The following MBD3 variants were observed in gnomAD, a reference collection of about 807,000 sequenced individuals.
The protein encoded by MBD3 is methyl-CpG-binding domain protein 3.
MBD3 carries 13 observed loss-of-function variants against 31.2 expected under a neutral mutation model. The ratio of observed to expected loss-of-function variants is 0.42; its 90% CI spans 0.27 to 0.66. The LOEUF is 0.66. Ranked by LOEUF, MBD3 falls within the 30% of genes least tolerant of loss-of-function variation. The probability of loss-of-function intolerance (pLI) is 0.26; values close to 1 mark genes in which losing one functional copy is unlikely to be tolerated. For missense variants in MBD3, 440 were observed against 426.5 expected (o/e 1.03, Z -0.28); for synonymous variants, 223 against 187.4 (o/e 1.19, Z -1.55).
intron 5 of MBD3, 94 bp downstream of exon 5, chr19:1,580,998 G>C: frequency 6.8e-7 from 1 of 1,471,468 alleles, no homozygotes; most frequent in Non-Finnish European, 9.4e-7. Context: ...GCATCGTGGG[G>C]AGACGGGAAG....
chr19:1,576,759 G>C lies in MBD3; in HGVS notation c.*1405C>G, dbSNP rs1917202095. On this transcript the variant is annotated 3_prime_UTR_variant, in exon 7 of 7. Transcript: ENST00000434436. ...CCCTCCACCAGGCAGACAGAGGGGA[G>C]GCCACCCCACTGCAAAGGGTCCCAG... The C allele has an allele frequency of 6.6e-6, 1 of 152,332 alleles. No homozygotes were observed. The highest frequency in any genetic ancestry group is 2.4e-5 in the African/African-American group (1 of 41,458). 9.4% of individuals were successfully genotyped at this position (152,332 alleles called of 1,614,324 possible).
intron 1 of MBD3, among the ~76,000 whole-genome samples, chr19:1,588,024 C>T (rs1341253493): frequency 1.3e-5 from 2 of 152,252 alleles, no homozygotes; most frequent in Admixed American, 1.3e-4. Context: ...ATTCTGCAGG[C>T]ACTGCACAGA....
At chr19:1,583,753 C>T (rs1037498559) in intron 3 of MBD3, among the ~76,000 whole-genome samples, 1 of 152,140 alleles carries the variant, frequency 6.6e-6, no homozygotes, top group Non-Finnish European at 1.5e-5. Context: ...AGCATCCACA[C>T]CTCATGAGCA....
chr19:1,581,524 A>AT, intron 4 of MBD3: 1 of 558,348 alleles, frequency 1.8e-6, no homozygotes. Flanking sequence ...GGGAGGACTG[A>AT]TTGAGCTTAG....
At chr19:1,581,386 C>G in intron 4 of MBD3, 117 bp from the exon 5 acceptor site, 1 of 1,044,318 alleles carries the variant, frequency 9.6e-7, no homozygotes, top group African/African-American at 1.6e-5. Flanking sequence ...GGAAGGAACC[C>G]CAACTTGGGT....
At position 1,592,789 on chromosome 19, in the gene MBD3, C is replaced by T. The variant is rs1036268459; in HGVS notation, c.-158G>A. 6.6e-6 allele frequency: 1 copy of T among 151,726 alleles called. No individual in the cohort carries two copies. Among genetic ancestry groups the T allele is most frequent in the African/African-American group, 2.5e-5 (1 of 40,710 alleles). The allele number at this position is 151,726 out of a possible 1,614,324, so 9.4% of individuals were successfully genotyped here. The stretch of plus-strand genomic sequence containing the variant: ...CCCGCCCTCCGCCCCCAGCCGGGCG[C>T]GCGCCGGCTTTGCCGCCCTTTCGGC... On this transcript the variant is annotated 5_prime_UTR_variant, in exon 1 of 7. Coordinates refer to ENST00000434436, the MANE Select transcript of MBD3 (RefSeq NM_001281453.2).
chr19:1,587,258 C>T (rs1201914030), intron 1 of MBD3, among the ~76,000 whole-genome samples: 3 of 152,054 alleles, frequency 2.0e-5, no homozygotes, highest in African/African-American at 7.2e-5. Context: ...AGCCACCGCG[C>T]CCAGCCAATT....
At chr19:1,580,343 C>A (rs1280232088) in intron 5 of MBD3, among the ~76,000 whole-genome samples, 1 of 152,208 alleles carries the variant, frequency 6.6e-6, no homozygotes, top group Non-Finnish European at 1.5e-5. Context: ...TGTGTGGGGG[C>A]ACAGGGTCTC....
intron 4 of MBD3, among the ~76,000 whole-genome samples, chr19:1,582,153 C>T (rs1204265871): frequency 6.6e-6 from 1 of 152,136 alleles, no homozygotes; most frequent in Non-Finnish European, 1.5e-5. Flanking sequence ...ACTCCTGCCC[C>T]AGCCCCGCCA....
chr19:1,591,876 CAA>C (rs1200535186), intron 1 of MBD3: 4 of 152,260 alleles, frequency 2.6e-5, no homozygotes, highest in African/African-American at 7.2e-5. Context: ...AACATCCACG[CAA>C]AGACTACCGT....
chr19:1,581,696 A>G, intron 4 of MBD3: 1 of 311,346 alleles, frequency 3.2e-6, no homozygotes, highest in South Asian at 2.8e-5. Context: ...TGTGAGTAGT[A>G]ACGGCGCCAC....
At position 1,587,998 on chromosome 19, in the gene MBD3, G is replaced by A. The variant is rs140877307; in HGVS notation, c.111-2784C>T. ...AGACAGCTCAGAAGAATCTCCCATA[G>A]CCAGAAGGAAACTCAATTCTGCAGG... On this transcript the variant is annotated intron_variant, in intron 1 of 6. Coordinates refer to ENST00000434436, the MANE Select transcript of MBD3 (RefSeq NM_001281453.2). Among the ~76,000 whole-genome samples, 18 of 152,338 alleles carry A rather than the reference G, an allele frequency of 1.2e-4. No homozygotes were observed. In the East Asian group the frequency reaches 3.3e-3, roughly 28 times the overall value.
Position 1,578,014 on chromosome 19 carries a change from G to C in MBD3, c.*150C>G, listed in dbSNP as rs1917247769. On this transcript the variant is annotated 3_prime_UTR_variant, in exon 7 of 7. Transcript: ENST00000434436. This position sits in a 1 kb window ranked among gnomAD's most constrained non-coding sequence, Gnocchi z 6.1. ...GTGCCCCGAGGCCCCGGGAAGTGGGGACGGGCCGAGGAGGGAGCCAGGAGC... is the reference window on the plus strand; with the variant it reads ...GTGCCCCGAGGCCCCGGGAAGTGGGCACGGGCCGAGGAGGGAGCCAGGAGC... 8.6e-6 allele frequency: 4 copies of C among 467,684 alleles called. No homozygotes were observed. Among genetic ancestry groups the C allele is most frequent in the South Asian group, 6.8e-5 (3 of 44,368 alleles). 29.0% of individuals were successfully genotyped at this position (467,684 alleles called of 1,614,324 possible). A position where few individuals can be genotyped will look rare whatever the true frequency, so the allele number is the denominator to read the frequency against.
intron 1 of MBD3, 66 bp downstream of exon 1, chr19:1,592,456 G>T: frequency 3.6e-6 from 3 of 823,558 alleles, no homozygotes; most frequent in Non-Finnish European, 5.1e-6. Flanking sequence ...CAGGGGCGCC[G>T]AGGCCGCCGC....
chr19:1,592,715 TGCCGCTGCCGCCGCC>T lies in MBD3; in HGVS notation c.-99_-85del, dbSNP rs906368913. On this transcript the variant is annotated 5_prime_UTR_variant, in exon 1 of 7. Coordinates refer to ENST00000434436, the MANE Select transcript of MBD3 (RefSeq NM_001281453.2). ...CCGCCGCCGCCTCAGCTGCCTCCGC[TGCCGCTGCCGCCGCC>T]GCCACTTGCCGCGGCTGTTCCGGCC... is the stretch of plus-strand genomic sequence containing the variant. 70 of 333,134 alleles carry T rather than the reference TGCCGCTGCCGCCGCC, an allele frequency of 2.1e-4. No homozygotes were observed. The highest frequency in any genetic ancestry group is 3.0e-4 in the Non-Finnish European group (70 of 232,804). 20.6% of individuals were successfully genotyped at this position (333,134 alleles called of 1,614,324 possible). A position where few individuals can be genotyped will look rare whatever the true frequency, so the allele number is the denominator to read the frequency against.
chr19:1,581,599 G>A, intron 4 of MBD3: 5 of 405,026 alleles, frequency 1.2e-5, no homozygotes, highest in South Asian at 1.1e-4. Context: ...TCAAAAATTA[G>A]CCAGGTGTCA....
Position 1,578,550 on chromosome 19 carries a change from T to C in MBD3, c.678-12A>G, listed in dbSNP as rs761351052. ...GCTCTTCCTGCTTCCTGGGGACACA[T>C]GGACCTTGCGTTACACCAAGGTGAG... On this transcript the variant is annotated splice_polypyrimidine_tract_variant and intron_variant, in intron 5 of 6. Transcript: ENST00000434436. This position sits in a 1 kb window ranked among gnomAD's most constrained non-coding sequence, Gnocchi z 6.1. 19 of 1,611,450 alleles carry C rather than the reference T, an allele frequency of 1.2e-5. No homozygotes were observed. The highest frequency in any genetic ancestry group is 9.3e-5 in the African/African-American group (7 of 74,924).
rs1048119834 is a variant in MBD3, at chr19:1,575,180, G to C, written c.*2984C>G. The C allele has an allele frequency of 9.2e-6, 4 of 435,694 alleles. No individual in the cohort carries two copies. The highest frequency in any genetic ancestry group is 2.4e-5 in the Admixed American group (1 of 41,258). The allele number at this position is 435,694 out of a possible 1,614,324, so 27.0% of individuals were successfully genotyped here. A position where few individuals can be genotyped will look rare whatever the true frequency, so the allele number is the denominator to read the frequency against. On this transcript the variant is annotated 3_prime_UTR_variant, in exon 7 of 7. Coordinates refer to ENST00000434436, the MANE Select transcript of MBD3 (RefSeq NM_001281453.2). The stretch of plus-strand genomic sequence containing the variant: ...CATGGTGGTTCACACCTGTAATCCC[G>C]GCAATTTGGGAAGCTGGGGCGGGCG...
In MBD3 at chr19:1,578,509, C is replaced by T. The variant is rs1301951242; in HGVS notation, c.707G>A (p.Arg236Gln). ...RKQEELVQQV[R>Q]KRLEEALMAD... ...CATCAGCGCCTCCTCCAGCCGCTTC[C>T]GCACCTGCTGCACCAGCTCTTCCTG... Residue 236 changes from arginine (R) to glutamine (Q), a missense_variant, in exon 6 of 7, where the codon CGG becomes CAG. By Grantham distance (43) the Arg-to-Gln change is conservative. Coordinates refer to ENST00000434436, the MANE Select transcript of MBD3 (RefSeq NM_001281453.2). This position sits in a 1 kb window ranked among gnomAD's most constrained non-coding sequence, Gnocchi z 6.1. The T allele has an allele frequency of 1.9e-6, 3 of 1,612,352 alleles. No homozygotes were observed. Among genetic ancestry groups the T allele is most frequent in the Admixed American group, 1.7e-5 (1 of 60,026 alleles).
Sources: gnomAD v4.1 joint callset for allele counts (sites outside exome capture counted in the v4.1 genomes callset) on GRCh38, gnomAD v4.1.1 for gene constraint, Gnocchi (gnomAD v3.1) non-coding constraint, MANE v1.5 for transcripts, NCBI Gene and HGNC (gene_info 2026-07-23, HGNC 2026-07-21) for gene names.